Variants in SLC24A2 observed in about 807,000 individuals in gnomAD.
SLC24A2 encodes sodium/potassium/calcium exchanger 2.
SLC24A2 carries 36 observed loss-of-function variants against 62.0 expected under a neutral mutation model. That is an observed-to-expected ratio of 0.58 (90% CI 0.44 to 0.77). The LOEUF is 0.77. Ranked by LOEUF, SLC24A2 falls within the 30% of genes least tolerant of loss-of-function variation. The probability of loss-of-function intolerance (pLI) is 0.00; values close to 1 mark genes in which losing one functional copy is unlikely to be tolerated. For synonymous variants in SLC24A2, 358 were observed against 294.0 expected (o/e 1.22, Z -2.23); for missense variants, 846 against 817.9 (o/e 1.03, Z -0.42).
intron 2 of SLC24A2, among the ~76,000 whole-genome samples, chr9:19,659,484 G>A (rs1008661029): frequency 4.6e-5 from 7 of 152,122 alleles, no homozygotes; most frequent in Non-Finnish European, 5.9e-5. Context: ...TGAGTGTGCT[G>A]CATGTTTTCT....
At chr9:19,625,522 A>C (rs904585001) in intron 2 of SLC24A2, among the ~76,000 whole-genome samples, 2 of 152,080 alleles carry the variant, frequency 1.3e-5, no homozygotes, top group Admixed American at 1.3e-4. Flanking sequence ...GCCATCATCT[A>C]CTTATGAGAA....
the SLC24A2 span, among the ~76,000 whole-genome samples, chr9:20,286,090 T>A: frequency 1.3e-5 from 2 of 152,202 alleles, no homozygotes; most frequent in Non-Finnish European, 2.9e-5. Context: ...CAAATCATCA[T>A]ATATGAAGAA....
chr9:20,252,210 C>T, the SLC24A2 span, among the ~76,000 whole-genome samples: 1 of 152,190 alleles, frequency 6.6e-6, no homozygotes, highest in Non-Finnish European at 1.5e-5. Context: ...TCGGAGTCCA[C>T]AAATATTCCA....
the SLC24A2 span, among the ~76,000 whole-genome samples, chr9:20,184,879 A>G: frequency 6.6e-6 from 1 of 151,720 alleles, no homozygotes; most frequent in African/African-American, 2.4e-5. Flanking sequence ...TGAATGGATT[A>G]AAAAAAATGT....
intron 7 of SLC24A2, among the ~76,000 whole-genome samples, chr9:19,560,680 CCCCAGTAGGCTAATACAATG>C (rs1835344681): frequency 6.6e-6 from 1 of 152,098 alleles, no homozygotes; most frequent in Non-Finnish European, 1.5e-5. Context: ...TTTCTGGCAG[CCCCAGTAGGCTAATACAATG>C]CCCATAAGGA....
At chr9:20,228,248 G>C in the SLC24A2 span, among the ~76,000 whole-genome samples, 1 of 152,144 alleles carries the variant, frequency 6.6e-6, no homozygotes, top group Non-Finnish European at 1.5e-5. Flanking sequence ...ACTCTAGACA[G>C]TGGTTTCCAA....
the SLC24A2 span, among the ~76,000 whole-genome samples, chr9:20,298,334 T>G: frequency 6.6e-6 from 1 of 152,250 alleles, no homozygotes; most frequent in Admixed American, 6.5e-5. Context: ...GTTCAAGCGA[T>G]TCTCCTGCCT....
the SLC24A2 span, among the ~76,000 whole-genome samples, chr9:19,904,233 A>C: frequency 1.3e-5 from 2 of 152,232 alleles, no homozygotes; most frequent in African/African-American, 2.4e-5. Flanking sequence ...CAAGATGAAC[A>C]TTTAATTCAT....
the SLC24A2 span, among the ~76,000 whole-genome samples, chr9:20,237,548 G>C: frequency 6.6e-6 from 1 of 152,192 alleles, no homozygotes; most frequent in Non-Finnish European, 1.5e-5. Context: ...ACACAGACTA[G>C]AGAAGGTTAG....
chr9:19,527,078 C>A (rs1234122940), intron 9 of SLC24A2, among the ~76,000 whole-genome samples: 5 of 152,148 alleles, frequency 3.3e-5, no homozygotes, highest in African/African-American at 1.2e-4. Context: ...TCCAATTATT[C>A]CAGCATCATT....
At chr9:19,577,364 C>T (rs7863276) in intron 5 of SLC24A2, among the ~76,000 whole-genome samples, 16,402 of 152,196 alleles carry the variant, frequency 0.11, 901 homozygotes, top group African/African-American at 0.13. Context: ...AAATTAAATG[C>T]TCATTCCAGA....
At chr9:20,178,822 T>C in the SLC24A2 span, among the ~76,000 whole-genome samples, 1 of 152,142 alleles carries the variant, frequency 6.6e-6, no homozygotes, top group Non-Finnish European at 1.5e-5. Context: ...AACATATTGA[T>C]ACATTTAGAG....
At chr9:19,663,632 T>C (rs752079892) in intron 2 of SLC24A2, among the ~76,000 whole-genome samples, 4 of 152,124 alleles carry the variant, frequency 2.6e-5, no homozygotes, top group Non-Finnish European at 4.4e-5. Context: ...ACTCCAGCTT[T>C]TGAGTGTGAG....
intron 5 of SLC24A2, among the ~76,000 whole-genome samples, chr9:19,581,461 C>A (rs372662414): frequency 1.3e-5 from 2 of 152,202 alleles, no homozygotes; most frequent in Non-Finnish European, 1.5e-5. Flanking sequence ...ACCTCAGGCC[C>A]AGAATAAGTA....
intron 9 of SLC24A2, among the ~76,000 whole-genome samples, chr9:19,524,792 T>G (rs972182127): frequency 2.0e-5 from 3 of 151,982 alleles, no homozygotes; most frequent in African/African-American, 4.8e-5. Flanking sequence ...GTTCCTTTTC[T>G]TTGAAAGAAT....
chr9:20,206,313 G>T, the SLC24A2 span, among the ~76,000 whole-genome samples: 1 of 152,158 alleles, frequency 6.6e-6, no homozygotes, highest in Admixed American at 6.5e-5. Context: ...TATTACAGGA[G>T]AGTGAATGCA....
chr9:19,775,416 G>T (rs115296795), intron 2 of SLC24A2, among the ~76,000 whole-genome samples: 2 of 152,160 alleles, frequency 1.3e-5, no homozygotes, highest in African/African-American at 4.8e-5. Flanking sequence ...CTCTGCAATC[G>T]TTCTATCTCA....
chr9:20,095,313 T>A, the SLC24A2 span, among the ~76,000 whole-genome samples: 1 of 152,248 alleles, frequency 6.6e-6, no homozygotes, highest in Non-Finnish European at 1.5e-5. Context: ...GAACCTGTGA[T>A]GGTTAATTTT....
the SLC24A2 span, among the ~76,000 whole-genome samples, chr9:20,056,274 G>A: frequency 6.6e-6 from 1 of 152,046 alleles, no homozygotes; most frequent in African/African-American, 2.4e-5. Flanking sequence ...CTGTATAGAA[G>A]ACTATTATAA....
Sources: gnomAD v4.1 joint callset for allele counts (sites outside exome capture counted in the v4.1 genomes callset) on GRCh38, gnomAD v4.1.1 for gene constraint, MANE v1.5 for transcripts, NCBI Gene and HGNC (gene_info 2026-07-23, HGNC 2026-07-21) for gene names.